The following SLC24A3 variants were observed in gnomAD, a reference collection of about 807,000 sequenced individuals.
The protein encoded by SLC24A3 is sodium/potassium/calcium exchanger 3.
SLC24A3 carries 28 observed loss-of-function variants against 75.8 expected under a neutral mutation model. The observed-to-expected ratio is 0.37, with a 90% CI of 0.27 to 0.51. The LOEUF is 0.51. Ranked by LOEUF, SLC24A3 falls within the 20% of genes least tolerant of loss-of-function variation. The pLI is 0.94. For synonymous variants in SLC24A3, 372 were observed against 334.1 expected (o/e 1.11, Z -1.24); for missense variants, 663 against 847.8 (o/e 0.78, Z 2.71).
At position 19,570,637 on chromosome 20, in the gene SLC24A3, G is replaced by A. The variant is rs35484391; in HGVS notation, c.349-9363G>A. On this transcript the variant is annotated intron_variant, in intron 3 of 16. Coordinates refer to ENST00000328041, the MANE Select transcript of SLC24A3 (RefSeq NM_020689.4). ...TAATACATTGGATAGAAGGTCTAGC[G>A]TTAGGTCTCATAGCTACTTATTTTT... Among the ~76,000 whole-genome samples the A allele has an allele frequency of 8.6e-3, 1,303 of 152,284 alleles. 10 individuals are homozygous for A. Among genetic ancestry groups the A allele is most frequent in the Non-Finnish European group, 0.015 (1,029 of 68,028 alleles).
intron 2 of SLC24A3, among the ~76,000 whole-genome samples, chr20:19,464,828 C>T (rs1321265571): frequency 1.3e-5 from 2 of 152,186 alleles, no homozygotes; most frequent in African/African-American, 2.4e-5. Context: ...CCCCAGAGTA[C>T]GATCATGGGT....
At chr20:19,230,249 C>T (rs1234686374) in intron 1 of SLC24A3, among the ~76,000 whole-genome samples, 2 of 152,076 alleles carry the variant, frequency 1.3e-5, no homozygotes, top group East Asian at 1.9e-4. Context: ...CTGTGAGCAT[C>T]GCTTATGCTG....
At chr20:19,638,407 A>C (rs997089829) in intron 6 of SLC24A3, among the ~76,000 whole-genome samples, 2 of 152,208 alleles carry the variant, frequency 1.3e-5, no homozygotes, top group African/African-American at 2.4e-5. Flanking sequence ...TCAACCCTTA[A>C]GTATTATTTA....
At chr20:19,466,858 G>A (rs927848020) in intron 2 of SLC24A3, among the ~76,000 whole-genome samples, 2 of 152,178 alleles carry the variant, frequency 1.3e-5, no homozygotes, top group Admixed American at 6.5e-5. Flanking sequence ...CACTCAGAAA[G>A]TGTTTATTAA....
At chr20:19,447,787 T>C (rs1160283699) in intron 2 of SLC24A3, among the ~76,000 whole-genome samples, 1 of 152,210 alleles carries the variant, frequency 6.6e-6, no homozygotes, top group Non-Finnish European at 1.5e-5. Flanking sequence ...CACTATGCTT[T>C]TGGAAGAGAC....
intron 2 of SLC24A3, among the ~76,000 whole-genome samples, chr20:19,380,615 T>C (rs1986164583): frequency 6.6e-6 from 1 of 152,168 alleles, no homozygotes; most frequent in South Asian, 2.1e-4. Flanking sequence ...CTTGGCTGAT[T>C]TAGTCTCTAC....
At chr20:19,319,228 G>C (rs1568587851) in intron 2 of SLC24A3, among the ~76,000 whole-genome samples, 1 of 152,226 alleles carries the variant, frequency 6.6e-6, no homozygotes, top group Admixed American at 6.5e-5. Context: ...CAGGACACTG[G>C]TAGGGGCTGG....
At chr20:19,492,908 G>A (rs562322047) in intron 2 of SLC24A3, among the ~76,000 whole-genome samples, 4 of 152,150 alleles carry the variant, frequency 2.6e-5, no homozygotes, top group Non-Finnish European at 5.9e-5. Flanking sequence ...TACCTTAAGA[G>A]CTATCCAGCC....
chr20:19,615,426 G>T (rs75602217), intron 6 of SLC24A3, among the ~76,000 whole-genome samples: 11,782 of 152,180 alleles, frequency 0.077, 618 homozygotes, highest in Non-Finnish European at 0.1. Flanking sequence ...CATAATGCTG[G>T]CATCTGTTCT....
intron 9 of SLC24A3, among the ~76,000 whole-genome samples, chr20:19,680,070 C>CTG: frequency 6.8e-6 from 1 of 147,872 alleles, no homozygotes; most frequent in African/African-American, 2.5e-5. Context: ...TGCTGTGTGT[C>CTG]TGTGTGTGTG....
At chr20:19,365,224 A>G (rs922603566) in intron 2 of SLC24A3, among the ~76,000 whole-genome samples, 8 of 152,178 alleles carry the variant, frequency 5.3e-5, no homozygotes, top group Admixed American at 3.9e-4. Flanking sequence ...AGAGTTTCTC[A>G]AAGAGAGTTT....
At position 19,264,747 on chromosome 20, in the gene SLC24A3, A is replaced by G. The variant is rs866202901; in HGVS notation, c.143-16212A>G. ...CCATCTCAAAAAAAAAAAAAAAAAC[A>G]AAACAAAAACGTGCAGCCTGGACTC... On this transcript the variant is annotated intron_variant, in intron 1 of 16. Coordinates refer to ENST00000328041, the MANE Select transcript of SLC24A3 (RefSeq NM_020689.4). 2.2e-3 allele frequency among the ~76,000 whole-genome samples: 324 copies of G among 146,064 alleles called. 4 individuals carry two copies. Among genetic ancestry groups the G allele is most frequent in the African/African-American group, 8.1e-3 (318 of 39,144 alleles).
intron 3 of SLC24A3, among the ~76,000 whole-genome samples, chr20:19,578,860 C>A (rs558896114): frequency 3.9e-5 from 6 of 151,922 alleles, no homozygotes; most frequent in Non-Finnish European, 8.8e-5. Flanking sequence ...TGATGTTATC[C>A]GGGGGCTTAG....
chr20:19,717,208 G>C (rs923958734), intron 15 of SLC24A3, among the ~76,000 whole-genome samples: 5 of 152,244 alleles, frequency 3.3e-5, no homozygotes, highest in African/African-American at 1.2e-4. Context: ...GGGATGTGTT[G>C]TGGGCCACAA....
intron 7 of SLC24A3, among the ~76,000 whole-genome samples, chr20:19,665,290 G>C (rs1471457884): frequency 1.3e-5 from 2 of 152,092 alleles, no homozygotes; most frequent in African/African-American, 4.8e-5. Flanking sequence ...TATTTTTCGG[G>C]GTGATGGCAA....
intron 2 of SLC24A3, among the ~76,000 whole-genome samples, chr20:19,429,957 C>A (rs868241967): frequency 6.6e-6 from 1 of 151,980 alleles, no homozygotes; most frequent in African/African-American, 2.4e-5. Context: ...AGAGGAGGGC[C>A]TGGGCTGTGA....
At chr20:19,477,979 G>A (rs1987989522) in intron 2 of SLC24A3, among the ~76,000 whole-genome samples, 1 of 152,140 alleles carries the variant, frequency 6.6e-6, no homozygotes, top group Non-Finnish European at 1.5e-5. Flanking sequence ...GAATGCCCAG[G>A]TCCCTGGACA....
rs1423188694 is a variant in SLC24A3 at position 19,425,293 on chromosome 20, A to G, written c.272-90195A>G. 3.1e-5 allele frequency among the ~76,000 whole-genome samples: 4 copies of G among 128,062 alleles called. No individual in the cohort carries two copies. In the Admixed American group the frequency reaches 3.4e-4, roughly 11 times the overall value. The allele number at this position is 128,062 out of a possible 152,430, so 84.0% of individuals were successfully genotyped here. A position where few individuals can be genotyped will look rare whatever the true frequency, so the allele number is the denominator to read the frequency against. ...ACTCCAGCCTAGGTGACAGAGTGAGACTCCGTCTCAAAAAAAAAAAAATTA... is the reference window on the plus strand; with the variant it reads ...ACTCCAGCCTAGGTGACAGAGTGAGGCTCCGTCTCAAAAAAAAAAAAATTA... On this transcript the variant is annotated intron_variant, in intron 2 of 16. Transcript: ENST00000328041.
At chr20:19,676,296 G>A (rs1001729664) in intron 9 of SLC24A3, among the ~76,000 whole-genome samples, 5 of 152,162 alleles carry the variant, frequency 3.3e-5, no homozygotes, top group East Asian at 1.9e-4. Context: ...TCCCCAAACC[G>A]TACCAAATGT....
Sources: gnomAD v4.1 joint callset for allele counts (sites outside exome capture counted in the v4.1 genomes callset) on GRCh38, gnomAD v4.1.1 for gene constraint, MANE v1.5 for transcripts, NCBI Gene and HGNC (gene_info 2026-07-23, HGNC 2026-07-21) for gene names.